The following ROBO1 variants were observed in gnomAD, a reference collection of about 807,000 sequenced individuals.
ROBO1 encodes roundabout guidance receptor 1.
In ROBO1, 149 loss-of-function variants were observed where a neutral mutation model predicts 195.9. That is an observed-to-expected ratio of 0.76 (90% CI 0.67 to 0.87). ROBO1 has a LOEUF of 0.87. ROBO1 is among the 40% of genes least tolerant of loss of function. ROBO1 has a pLI of 0.00. For missense variants in ROBO1, 1,933 were observed against 2,068.3 expected (o/e 0.93, Z 1.27); for synonymous variants, 816 against 733.2 (o/e 1.11, Z -1.82).
chr3:79,053,297 C>G (rs2078738855), intron 3 of ROBO1, among the ~76,000 whole-genome samples: 1 of 151,954 alleles, frequency 6.6e-6, no homozygotes, highest in Non-Finnish European at 1.5e-5. Context: ...CTACTCCTCC[C>G]CCACCTAACG....
At chr3:79,030,736 T>C (rs2108301370) in intron 3 of ROBO1, among the ~76,000 whole-genome samples, 1 of 152,320 alleles carries the variant, frequency 6.6e-6, no homozygotes, top group East Asian at 1.9e-4. Context: ...TTATTTATTT[T>C]TTTGAGATGG....
chr3:79,182,493 G>A (rs1020377852), intron 2 of ROBO1, among the ~76,000 whole-genome samples: 1 of 151,844 alleles, frequency 6.6e-6, no homozygotes, highest in Non-Finnish European at 1.5e-5. Context: ...AAAATGTTGG[G>A]CTATGATACA....
intron 4 of ROBO1, among the ~76,000 whole-genome samples, chr3:78,758,009 T>C (rs1324473098): frequency 6.6e-6 from 1 of 152,192 alleles, no homozygotes; most frequent in Non-Finnish European, 1.5e-5. Flanking sequence ...TGTAGCTGCG[T>C]GAGCTGTGTT....
intron 1 of ROBO1, among the ~76,000 whole-genome samples, chr3:79,748,725 G>A (rs7613280): frequency 0.024 from 3,706 of 152,110 alleles, 143 homozygotes; most frequent in African/African-American, 0.085. Context: ...TCACATGCTC[G>A]GATGGCTTTA....
At chr3:79,025,884 A>T (rs1469701650) in intron 3 of ROBO1, among the ~76,000 whole-genome samples, 1 of 152,158 alleles carries the variant, frequency 6.6e-6, no homozygotes, top group Non-Finnish European at 1.5e-5. Context: ...AGACTCCTTT[A>T]GTTAGTGGTT....
intron 8 of ROBO1, among the ~76,000 whole-genome samples, chr3:78,709,971 A>T (rs2108005404): frequency 6.6e-6 from 1 of 152,360 alleles, no homozygotes; most frequent in East Asian, 1.9e-4. Flanking sequence ...TCAATAATTT[A>T]TCTACTTATT....
At chr3:79,447,058 T>C (rs1227513187) in intron 2 of ROBO1, among the ~76,000 whole-genome samples, 4 of 152,058 alleles carry the variant, frequency 2.6e-5, no homozygotes, top group Non-Finnish European at 5.9e-5. Context: ...CTCGAACTCC[T>C]GACCTTGTGA....
At chr3:79,435,482 C>T (rs2038851174) in intron 2 of ROBO1, among the ~76,000 whole-genome samples, 2 of 152,062 alleles carry the variant, frequency 1.3e-5, no homozygotes, top group South Asian at 4.1e-4. Context: ...CCTACCAGAG[C>T]GGCAGTCATA....
chr3:78,752,897 C>T (rs11127633), intron 4 of ROBO1, among the ~76,000 whole-genome samples: 48,348 of 151,700 alleles, frequency 0.32, 8,396 homozygotes, highest in East Asian at 0.51. Context: ...TTGTATTTTT[C>T]TTATATCATG....
intron 3 of ROBO1, among the ~76,000 whole-genome samples, chr3:79,097,856 T>C (rs6774821): frequency 1 from 151,152 of 151,550 alleles, 75,380 homozygotes; most frequent in Middle Eastern, 1. Flanking sequence ...CTACATGCAG[T>C]TTTTTTTTAA....
intron 2 of ROBO1, among the ~76,000 whole-genome samples, chr3:79,478,018 T>C (rs527314680): frequency 6.6e-6 from 1 of 152,176 alleles, no homozygotes; most frequent in African/African-American, 2.4e-5. Context: ...GTGCATGTTT[T>C]CCCTTCTTCA....
intron 20 of ROBO1, among the ~76,000 whole-genome samples, chr3:78,646,517 T>C (rs891342847): frequency 6.6e-6 from 1 of 151,442 alleles, no homozygotes; most frequent in Non-Finnish European, 1.5e-5. Flanking sequence ...GTTACACATC[T>C]GTACATTAGC....
At chr3:79,431,701 T>C (rs868390358) in intron 2 of ROBO1, among the ~76,000 whole-genome samples, 1 of 152,138 alleles carries the variant, frequency 6.6e-6, no homozygotes, top group Non-Finnish European at 1.5e-5. Context: ...CAAGGAAATA[T>C]AGAAAATAAA....
chr3:79,067,330 CTTGT>C (rs2079020149), intron 3 of ROBO1, among the ~76,000 whole-genome samples: 2 of 151,946 alleles, frequency 1.3e-5, no homozygotes, highest in South Asian at 2.1e-4. Flanking sequence ...TATGGGGTTA[CTTGT>C]TTATTTGGTA....
intron 4 of ROBO1, among the ~76,000 whole-genome samples, chr3:78,893,658 CGTCT>C (rs2037049350): frequency 1.3e-5 from 2 of 152,014 alleles, no homozygotes; most frequent in African/African-American, 4.8e-5. Flanking sequence ...GAGGAAATAA[CGTCT>C]AAGTTAAAAC....
rs192293315 is a variant in ROBO1 at position 79,188,156 on chromosome 3, A to G, written c.89-62617T>C. 3.5e-4 allele frequency among the ~76,000 whole-genome samples: 53 copies of G among 152,064 alleles called. 1 individual carries two copies. In the East Asian group the frequency reaches 9.3e-3, roughly 27 times the overall value. ...AAAGAGTGACAAAATGTGTACATAA[A>G]CAAGTGTTAGGAAATTGTGTTTGGC... is the stretch of plus-strand genomic sequence containing the variant. On this transcript the variant is annotated intron_variant, in intron 2 of 30. Transcript: ENST00000464233.
chr3:79,276,586 C>A (rs2031054237), intron 2 of ROBO1, among the ~76,000 whole-genome samples: 1 of 151,880 alleles, frequency 6.6e-6, no homozygotes, highest in Admixed American at 6.6e-5. Flanking sequence ...TAATACCCCA[C>A]AAGCATAGGC....
intron 4 of ROBO1, among the ~76,000 whole-genome samples, chr3:78,831,456 A>T (rs1046923499): frequency 3.3e-5 from 5 of 152,148 alleles, no homozygotes; most frequent in Non-Finnish European, 7.3e-5. Context: ...AGAGATATTA[A>T]ATGAATTCAT....
chr3:79,338,908 G>A (rs750777237), intron 2 of ROBO1, among the ~76,000 whole-genome samples: 2 of 151,950 alleles, frequency 1.3e-5, no homozygotes, highest in African/African-American at 2.4e-5. Context: ...ATTCTCAACC[G>A]AATATTAAAA....
Sources: allele counts gnomAD v4.1 joint callset (sites outside exome capture counted in the v4.1 genomes callset), GRCh38; gene constraint gnomAD v4.1.1; transcripts MANE v1.5; gene names NCBI Gene and HGNC (gene_info 2026-07-23, HGNC 2026-07-21).